Variants in PBX1 observed in about 807,000 individuals in gnomAD.
The protein encoded by PBX1 is PBX homeobox 1.
Under a neutral mutation model 53.4 loss-of-function variants are expected in PBX1, and 6 were observed. The ratio of observed to expected loss-of-function variants is 0.11; its 90% CI spans 0.06 to 0.22. The LOEUF (loss-of-function observed/expected upper bound fraction) is 0.22, where lower values mean the gene tolerates loss of function less well. Among genes scored for constraint, PBX1 ranks in the 10% least tolerant of loss-of-function variants. The probability of loss-of-function intolerance (pLI) is 1.00; values close to 1 mark genes in which losing one functional copy is unlikely to be tolerated. For missense variants in PBX1, 251 were observed against 551.4 expected, an observed-to-expected ratio of 0.46 and a Z score of 5.46; for synonymous variants, 204 against 212.3, an observed-to-expected ratio of 0.96 and a Z score of 0.34.
intron 2 of PBX1, among the ~76,000 whole-genome samples, chr1:164,708,275 A>G (rs987979237): frequency 2.0e-5 from 3 of 152,244 alleles, no homozygotes; most frequent in Non-Finnish European, 4.4e-5. Context: ...TGTAAGGGGC[A>G]GATAGAGATG....
At chr1:164,781,631 G>A (rs1667940313) in intron 2 of PBX1, among the ~76,000 whole-genome samples, 1 of 152,012 alleles carries the variant, frequency 6.6e-6, no homozygotes, top group Non-Finnish European at 1.5e-5. Context: ...ACCTACCACT[G>A]TATTCTCAGT....
chr1:164,782,060 A>T (rs1181309269), intron 2 of PBX1, among the ~76,000 whole-genome samples: 1 of 152,254 alleles, frequency 6.6e-6, no homozygotes, highest in African/African-American at 2.4e-5. Context: ...AACATGGCTT[A>T]AACAAAATAC....
intron 2 of PBX1, among the ~76,000 whole-genome samples, chr1:164,574,973 C>G (rs905408239): frequency 6.1e-5 from 9 of 148,640 alleles, no homozygotes; most frequent in African/African-American, 2.2e-4. Context: ...CAGAGTGAGA[C>G]TAAAAAAAAA....
intron 2 of PBX1, among the ~76,000 whole-genome samples, chr1:164,778,138 G>A (rs562028844): frequency 5.9e-5 from 9 of 152,200 alleles, no homozygotes; most frequent in African/African-American, 2.2e-4. Flanking sequence ...TCTCCTGCTG[G>A]GTGATGCTGA....
chr1:164,777,223 G>C (rs1351555742), intron 2 of PBX1, among the ~76,000 whole-genome samples: 1 of 152,098 alleles, frequency 6.6e-6, no homozygotes, highest in Non-Finnish European at 1.5e-5. Flanking sequence ...AGGAGTTCAA[G>C]ACCAGCCTGG....
At chr1:164,671,806 C>G (rs1164689382) in intron 2 of PBX1, among the ~76,000 whole-genome samples, 1 of 152,074 alleles carries the variant, frequency 6.6e-6, no homozygotes, top group South Asian at 2.1e-4. Context: ...GTGTGGGTGT[C>G]TGAGTCAGTG....
intron 2 of PBX1, among the ~76,000 whole-genome samples, chr1:164,613,084 T>C (rs776758911): frequency 2.6e-5 from 4 of 152,234 alleles, no homozygotes; most frequent in Admixed American, 1.3e-4. Flanking sequence ...GAAATATTTT[T>C]ACAAATTATG....
intron 2 of PBX1, among the ~76,000 whole-genome samples, chr1:164,768,198 T>C (rs752939127): frequency 2.6e-5 from 4 of 152,190 alleles, no homozygotes; most frequent in Non-Finnish European, 5.9e-5. Flanking sequence ...AGACAGCAAG[T>C]ACAGCCGGCT....
chr1:164,807,944 A>G (rs1669435115), intron 5 of PBX1, among the ~76,000 whole-genome samples: 1 of 152,210 alleles, frequency 6.6e-6, no homozygotes. Context: ...CTTCCCATCG[A>G]GCACTCCTTT....
chr1:164,882,408 A>T (rs987596020), intron 2 of PBX1, among the ~76,000 whole-genome samples: 1 of 152,166 alleles, frequency 6.6e-6, no homozygotes, highest in Non-Finnish European at 1.5e-5. Context: ...AAGCCATGGG[A>T]TAATATTCTC....
intron 5 of PBX1, 37 bp downstream of exon 5, chr1:164,807,714 G>T: frequency 6.2e-7 from 1 of 1,608,214 alleles, no homozygotes; most frequent in Non-Finnish European, 8.5e-7. Context: ...CTGTAGCCTG[G>T]CCATGGCGGG....
chr1:164,823,820 G>A (rs1186785589), intron 8 of PBX1, among the ~76,000 whole-genome samples: 3 of 152,046 alleles, frequency 2.0e-5, no homozygotes, highest in African/African-American at 7.2e-5. Flanking sequence ...TTTTATTTCT[G>A]GGTCTTTAAT....
Position 164,569,956 on chromosome 1 carries a change from A to ACAGAGG in PBX1, c.265+6646_265+6651dup, listed in dbSNP as rs985104304. On this transcript the variant is annotated intron_variant, in intron 2 of 8. Coordinates refer to ENST00000420696, the MANE Select transcript of PBX1 (RefSeq NM_002585.4). ...GAGGGGGAAAAGAGAATGGGTAAGA[A>ACAGAGG]CAGAGGAAAAGTTTTTAAGCTACTT... Among the ~76,000 whole-genome samples the ACAGAGG allele has an allele frequency of 2.0e-4, 30 of 152,342 alleles. 1 individual carries two copies. The highest frequency in any genetic ancestry group is 7.0e-4 in the African/African-American group (29 of 41,592).
chr1:164,880,871 G>A lies in PBX1; in HGVS notation n.258-18317G>A, dbSNP rs549555299. On this transcript the variant is annotated intron_variant and non_coding_transcript_variant, in intron 2 of 2. Coordinates refer to the PBX1 transcript ENST00000558796. ...TTAGCTATTGTTGCATTACTGATAA[G>A]GACAGTTTGGAAAAGGAAAAAAGCC... Among the ~76,000 whole-genome samples, 14 of 152,354 alleles carry A rather than the reference G, an allele frequency of 9.2e-5. No individual in the cohort carries two copies. The South Asian group carries it at 2.9e-3, about 32-fold the overall frequency.
chr1:164,662,182 C>T (rs907035563), intron 2 of PBX1, among the ~76,000 whole-genome samples: 19 of 152,158 alleles, frequency 1.2e-4, no homozygotes, highest in African/African-American at 2.9e-4. Context: ...AAAAATTAGC[C>T]GGGTGTGGTG....
At chr1:164,755,950 A>G (rs551952395) in intron 2 of PBX1, among the ~76,000 whole-genome samples, 1 of 150,188 alleles carries the variant, frequency 6.7e-6, no homozygotes, top group South Asian at 2.1e-4. Context: ...TGGGGGCCCA[A>G]GGTAGCCTCC....
chr1:164,735,842 A>G, intron 2 of PBX1, among the ~76,000 whole-genome samples: 1 of 152,312 alleles, frequency 6.6e-6, no homozygotes, highest in East Asian at 1.9e-4. Flanking sequence ...AGACAGTATT[A>G]TCTATGGTGA....
At chr1:164,731,488 G>C (rs945725425) in intron 2 of PBX1, among the ~76,000 whole-genome samples, 2 of 152,280 alleles carry the variant, frequency 1.3e-5, no homozygotes, top group East Asian at 3.9e-4. Flanking sequence ...TGTGGCAGCA[G>C]GGCTGCCTAA....
intron 2 of PBX1, among the ~76,000 whole-genome samples, chr1:164,702,068 A>T (rs556423247): frequency 1.4e-4 from 22 of 152,342 alleles, no homozygotes; most frequent in Middle Eastern, 3.4e-3. Context: ...GCACATGAGT[A>T]CACCTTTGTT....
Sources: allele counts gnomAD v4.1 joint callset (sites outside exome capture counted in the v4.1 genomes callset), GRCh38; gene constraint gnomAD v4.1.1; transcripts MANE v1.5; gene names NCBI Gene and HGNC (gene_info 2026-07-23, HGNC 2026-07-21).